The following COG5 variants were observed in gnomAD, a reference collection of about 807,000 sequenced individuals.
The protein encoded by COG5 is component of oligomeric golgi complex 5, also known as conserved oligomeric Golgi complex subunit 5.
A neutral mutation model predicts 110.4 loss-of-function variants in COG5; 86 were observed. The observed-to-expected ratio is 0.78, with a 90% CI of 0.65 to 0.93. COG5 has a LOEUF of 0.93. Ranked by LOEUF, COG5 falls within the 40% of genes least tolerant of loss-of-function variation. The pLI, the probability that COG5 is intolerant of heterozygous loss-of-function variation, is 0.00. For synonymous variants in COG5, 360 were observed against 334.6 expected (o/e 1.08, Z -0.83); for missense variants, 1,077 against 987.0 (o/e 1.09, Z -1.22).
At chr7:107,501,125 A>C (rs1210117920) in intron 6 of COG5, among the ~76,000 whole-genome samples, 1 of 152,122 alleles carries the variant, frequency 6.6e-6, no homozygotes, top group African/African-American at 2.4e-5. Flanking sequence ...GTAATTCATC[A>C]AGAAGAAAGC....
intron 6 of COG5, among the ~76,000 whole-genome samples, chr7:107,461,231 A>C (rs1795972667): frequency 6.6e-6 from 1 of 152,176 alleles, no homozygotes; most frequent in Non-Finnish European, 1.5e-5. Flanking sequence ...ATATCTAAAA[A>C]GGTAGTACTA....
chr7:107,298,318 T>C lies in COG5; in HGVS notation c.1137A>G (p.Glu379=). Residue 379 remains glutamate (E), a synonymous_variant, in exon 12 of 22, where the codon GAA becomes GAG. Transcript: ENST00000297135. ...NSSMFLKQAF[E]GEYPKLLRLY... Reference sequence around the variant, plus strand: ...GACGTAATAATTTAGGGTATTCTCCTTCAAATGCCTGCTTCAAAAACATCG... The same window carrying C: ...GACGTAATAATTTAGGGTATTCTCCCTCAAATGCCTGCTTCAAAAACATCG... The C allele has an allele frequency of 6.2e-7, 1 of 1,613,530 alleles. No homozygotes were observed. Among genetic ancestry groups the C allele is most frequent in the Non-Finnish European group, 8.5e-7 (1 of 1,179,700 alleles).
chr7:107,527,471 G>T (rs1206259935), intron 5 of COG5, 114 bp from the exon 6 acceptor site: 3 of 1,125,264 alleles, frequency 2.7e-6, no homozygotes, highest in Non-Finnish European at 3.9e-6. Flanking sequence ...CATGGCACAT[G>T]TTTACCTATG....
At chr7:107,221,911 T>G (rs1799956975) in intron 19 of COG5, among the ~76,000 whole-genome samples, 1 of 152,344 alleles carries the variant, frequency 6.6e-6, no homozygotes, top group Non-Finnish European at 1.5e-5. Flanking sequence ...AACTTATCTA[T>G]AGCAATTTAA....
At chr7:107,417,712 ACT>A (rs1309159027) in intron 6 of COG5, among the ~76,000 whole-genome samples, 3 of 152,128 alleles carry the variant, frequency 2.0e-5, no homozygotes, top group Non-Finnish European at 2.9e-5. Context: ...GGATATTACT[ACT>A]GTTTTTGAAT....
chr7:107,429,648 T>G (rs1224136270), intron 6 of COG5, among the ~76,000 whole-genome samples: 1 of 152,164 alleles, frequency 6.6e-6, no homozygotes, highest in Non-Finnish European at 1.5e-5. Context: ...TATCTTGAAC[T>G]GTAGCTCCCA....
chr7:107,263,586 G>C (rs4730227), intron 14 of COG5, among the ~76,000 whole-genome samples: 27,475 of 152,048 alleles, frequency 0.18, 2,682 homozygotes, highest in Non-Finnish European at 0.22. Flanking sequence ...CACACGTGCA[G>C]ACACACACAA....
chr7:107,385,131 G>A (rs1485386847), intron 7 of COG5, among the ~76,000 whole-genome samples: 11 of 152,118 alleles, frequency 7.2e-5, no homozygotes, highest in East Asian at 1.9e-4. Context: ...GACACACAGC[G>A]AAAAAGGCCA....
intron 14 of COG5, among the ~76,000 whole-genome samples, chr7:107,271,954 T>C (rs763455476): frequency 6.6e-6 from 1 of 152,222 alleles, no homozygotes; most frequent in African/African-American, 2.4e-5. Context: ...TAGTTTGAAA[T>C]ATTTTTTTAA....
At chr7:107,231,884 CA>C (rs1800800018) in intron 18 of COG5, among the ~76,000 whole-genome samples, 1 of 152,110 alleles carries the variant, frequency 6.6e-6, no homozygotes, top group Non-Finnish European at 1.5e-5. Context: ...TCAACAAAAT[CA>C]AAAGTATTTG....
chr7:107,295,100 TA>T (rs1426106762), intron 12 of COG5, among the ~76,000 whole-genome samples: 346 of 62,344 alleles, frequency 5.5e-3, no homozygotes, highest in African/African-American at 0.012. Flanking sequence ...TATATATATA[TA>T]TTTTTTTTTT....
intron 14 of COG5, among the ~76,000 whole-genome samples, chr7:107,274,751 G>A (rs1305233335): frequency 6.6e-6 from 1 of 152,108 alleles, no homozygotes. Context: ...GCATTCTTAT[G>A]ACAACATATA....
intron 10 of COG5, among the ~76,000 whole-genome samples, chr7:107,325,054 T>C (rs927095419): frequency 2.0e-5 from 3 of 152,186 alleles, no homozygotes; most frequent in African/African-American, 4.8e-5. Context: ...CAAAAGAGAA[T>C]GGCTGAAGCC....
intron 19 of COG5, among the ~76,000 whole-genome samples, chr7:107,219,865 GTGA>G (rs1278766360): frequency 6.6e-6 from 1 of 152,138 alleles, no homozygotes; most frequent in Non-Finnish European, 1.5e-5. Context: ...AGTGTTTGAG[GTGA>G]TGTTTTAGTT....
At chr7:107,416,790 C>G (rs868629749) in intron 6 of COG5, among the ~76,000 whole-genome samples, 1 of 151,992 alleles carries the variant, frequency 6.6e-6, no homozygotes, top group Non-Finnish European at 1.5e-5. Flanking sequence ...GCAGATGGGA[C>G]GTTATAGGAA....
At chr7:107,258,420 G>A (rs778220688) in intron 14 of COG5, 37 bp from the exon 15 acceptor site, 1 of 1,139,718 alleles carries the variant, frequency 8.8e-7, no homozygotes, top group Admixed American at 1.7e-5. Flanking sequence ...GTGTCAGAAT[G>A]ATAATTCTCT....
intron 6 of COG5, among the ~76,000 whole-genome samples, chr7:107,509,061 T>A (rs758778191): frequency 6.6e-6 from 1 of 151,906 alleles, no homozygotes; most frequent in Non-Finnish European, 1.5e-5. Flanking sequence ...GACTTTGACG[T>A]GTTGAGAGAA....
intron 6 of COG5, among the ~76,000 whole-genome samples, chr7:107,480,543 A>G (rs1797280285): frequency 6.6e-6 from 1 of 152,126 alleles, no homozygotes; most frequent in Non-Finnish European, 1.5e-5. Flanking sequence ...CTGGAAAAAG[A>G]CCTAAAATAT....
chr7:107,535,180 G>C (rs997666875), intron 5 of COG5, among the ~76,000 whole-genome samples: 8 of 151,534 alleles, frequency 5.3e-5, no homozygotes, highest in Non-Finnish European at 1.5e-5. Context: ...GTGTTTAGAG[G>C]GAAATTTATA....
Sources: gnomAD v4.1 joint callset for allele counts (sites outside exome capture counted in the v4.1 genomes callset) on GRCh38, gnomAD v4.1.1 for gene constraint, MANE v1.5 for transcripts, NCBI Gene and HGNC (gene_info 2026-07-23, HGNC 2026-07-21) for gene names.